The following MYO1D variants were observed in gnomAD, a reference collection of about 807,000 sequenced individuals.
MYO1D encodes unconventional myosin-Id.
A neutral mutation model predicts 122.0 loss-of-function variants in MYO1D; 83 were observed. The observed-to-expected ratio is 0.68, with a 90% CI of 0.57 to 0.82. MYO1D has a LOEUF of 0.82. MYO1D is among the 40% of genes least tolerant of loss of function. The probability of loss-of-function intolerance (pLI) is 0.00; values close to 1 mark genes in which losing one functional copy is unlikely to be tolerated. For synonymous variants in MYO1D, 464 were observed against 446.9 expected, an observed-to-expected ratio of 1.04 and a Z score of -0.48; for missense variants, 1,157 against 1,269.5, an observed-to-expected ratio of 0.91 and a Z score of 1.35.
chr17:32,760,666 G>C, intron 8 of MYO1D, 39 bp from the exon 9 acceptor site: 1 of 1,577,724 alleles, frequency 6.3e-7, no homozygotes, highest in Non-Finnish European at 8.6e-7. Context: ...TGCCAATTTG[G>C]GAATGAGTCC....
intron 1 of MYO1D, among the ~76,000 whole-genome samples, chr17:32,812,304 C>T (rs149377079): frequency 1.1e-3 from 175 of 152,296 alleles, no homozygotes; most frequent in African/African-American, 4.0e-3. Context: ...AAATGGCAAA[C>T]AATTATTCAG....
intron 14 of MYO1D, among the ~76,000 whole-genome samples, chr17:32,728,498 G>A (rs962203455): frequency 6.6e-5 from 10 of 152,046 alleles, no homozygotes; most frequent in African/African-American, 2.4e-4. Context: ...GAGCCACCGC[G>A]CCCGGCTGCA....
At chr17:32,777,968 A>G (rs1297210843) in intron 3 of MYO1D, among the ~76,000 whole-genome samples, 1 of 152,180 alleles carries the variant, frequency 6.6e-6, no homozygotes, top group East Asian at 1.9e-4. Flanking sequence ...TCTTGTTCAG[A>G]AATTCCACTG....
chr17:32,841,115 T>A (rs2090875834), intron 1 of MYO1D, among the ~76,000 whole-genome samples: 1 of 152,178 alleles, frequency 6.6e-6, no homozygotes, highest in African/African-American at 2.4e-5. Flanking sequence ...AGGTTAAGTG[T>A]ATTAAATACC....
At chr17:32,513,085 A>G (rs1909752020) in intron 21 of MYO1D, 1 of 152,222 alleles carries the variant, frequency 6.6e-6, no homozygotes, top group African/African-American at 2.4e-5. Flanking sequence ...CCCCTGCCCA[A>G]AGGTAAGCTC....
chr17:32,795,863 T>C (rs1006281883), intron 1 of MYO1D, among the ~76,000 whole-genome samples: 71 of 152,002 alleles, frequency 4.7e-4, no homozygotes, highest in African/African-American at 1.4e-3. Flanking sequence ...TATAAAACCT[T>C]TGCCCCGTCC....
chr17:32,864,445 G>A (rs1179723443), intron 1 of MYO1D, among the ~76,000 whole-genome samples: 1 of 149,874 alleles, frequency 6.7e-6, no homozygotes, highest in Non-Finnish European at 1.5e-5. Context: ...TAGTTAACTG[G>A]CTAAGGCAAG....
chr17:32,524,564 C>CTTTT (rs11323072), intron 21 of MYO1D, among the ~76,000 whole-genome samples: 5 of 119,292 alleles, frequency 4.2e-5, no homozygotes, highest in South Asian at 2.8e-4. Context: ...CTGATTAATT[C>CTTTT]TTTTTTTTTT....
chr17:32,838,525 G>T (rs114245024), intron 1 of MYO1D, among the ~76,000 whole-genome samples: 5 of 152,144 alleles, frequency 3.3e-5, no homozygotes, highest in African/African-American at 1.2e-4. Context: ...TTGAAGGCTA[G>T]TGAGAAGATG....
chr17:32,634,961 T>G (rs564762714), intron 20 of MYO1D, among the ~76,000 whole-genome samples: 1 of 152,302 alleles, frequency 6.6e-6, no homozygotes, highest in South Asian at 2.1e-4. Context: ...GGAGATCAGT[T>G]ATACCCCAAA....
intron 16 of MYO1D, among the ~76,000 whole-genome samples, chr17:32,679,482 A>G (rs953144661): frequency 6.6e-6 from 1 of 152,076 alleles, no homozygotes; most frequent in Non-Finnish European, 1.5e-5. Context: ...ACATATGGCT[A>G]GCCAGTTTTC....
intron 1 of MYO1D, among the ~76,000 whole-genome samples, chr17:32,851,738 AGT>A (rs2090991258): frequency 1.5e-5 from 1 of 66,576 alleles, no homozygotes; most frequent in Non-Finnish European, 4.4e-5. Context: ...TCTCATAAGG[AGT>A]GTGCACTCAT....
At chr17:32,770,648 A>G (rs777777229) in intron 6 of MYO1D, among the ~76,000 whole-genome samples, 3 of 152,140 alleles carry the variant, frequency 2.0e-5, no homozygotes, top group Non-Finnish European at 4.4e-5. Flanking sequence ...AAAAACTTGA[A>G]AGCTGAATAG....
At chr17:32,603,122 C>T (rs1369675797) in intron 21 of MYO1D, among the ~76,000 whole-genome samples, 1 of 151,454 alleles carries the variant, frequency 6.6e-6, no homozygotes, top group Admixed American at 6.6e-5. Context: ...GTCTTCTCTT[C>T]ACATTTATAA....
At chr17:32,824,598 T>A (rs2090705202) in intron 1 of MYO1D, among the ~76,000 whole-genome samples, 1 of 152,168 alleles carries the variant, frequency 6.6e-6, no homozygotes, top group Non-Finnish European at 1.5e-5. Flanking sequence ...ATTTGACAGA[T>A]GACAAAATTA....
chr17:32,689,140 T>C (rs969767596), intron 16 of MYO1D, among the ~76,000 whole-genome samples: 21 of 152,340 alleles, frequency 1.4e-4, no homozygotes, highest in African/African-American at 5.1e-4. Context: ...CTTAAAATTT[T>C]AGGCTGAAAT....
At chr17:32,779,581 G>C (rs1411341513) in intron 2 of MYO1D, among the ~76,000 whole-genome samples, 1 of 151,934 alleles carries the variant, frequency 6.6e-6, no homozygotes, top group Non-Finnish European at 1.5e-5. Flanking sequence ...ACTGTTAACA[G>C]CTGTTACTGC....
intron 21 of MYO1D, among the ~76,000 whole-genome samples, chr17:32,592,507 A>G (rs1323270314): frequency 6.6e-6 from 1 of 152,172 alleles, no homozygotes; most frequent in Non-Finnish European, 1.5e-5. Context: ...AGTTTTTACA[A>G]TTAACTCTTT....
At chr17:32,848,397 C>G (rs551845403) in intron 1 of MYO1D, among the ~76,000 whole-genome samples, 1 of 152,292 alleles carries the variant, frequency 6.6e-6, no homozygotes, top group African/African-American at 2.4e-5. Flanking sequence ...AGGCAAATGT[C>G]AAACAATTGA....
Sources: allele counts gnomAD v4.1 joint callset (sites outside exome capture counted in the v4.1 genomes callset), GRCh38; gene constraint gnomAD v4.1.1; transcripts MANE v1.5; gene names NCBI Gene and HGNC (gene_info 2026-07-23, HGNC 2026-07-21).